Variants in STAB2 observed in about 807,000 individuals in gnomAD.
STAB2 encodes stabilin 2.
STAB2 carries 288 observed loss-of-function variants against 338.1 expected under a neutral mutation model. That is an observed-to-expected ratio of 0.85 (90% CI 0.77 to 0.94). The LOEUF (loss-of-function observed/expected upper bound fraction) is 0.94. Among genes scored for constraint, STAB2 ranks in the 40% least tolerant of loss-of-function variants. The pLI, the probability that STAB2 is intolerant of heterozygous loss-of-function variation, is 0.00. For missense variants in STAB2, 3,141 were observed against 3,210.1 expected (o/e 0.98, Z 0.52); for synonymous variants, 1,202 against 1,193.3 (o/e 1.01, Z -0.15).
At chr12:103,668,906 A>C (rs1237527554) in intron 20 of STAB2, 177 bp downstream of exon 20, 1 of 580,198 alleles carries the variant, frequency 1.7e-6, no homozygotes, top group African/African-American at 1.9e-5. Context: ...CCTTTCCTGC[A>C]TCACAGCCTC....
chr12:103,681,562 G>T (rs115893482), intron 25 of STAB2, among the ~76,000 whole-genome samples: 1 of 146,332 alleles, frequency 6.8e-6, no homozygotes, highest in South Asian at 2.1e-4. Context: ...CTGCCTTCAC[G>T]TTCAGATGTT....
chr12:103,735,654 CT>C, intron 52 of STAB2, 74 bp downstream of exon 52: 1 of 1,184,382 alleles, frequency 8.4e-7, no homozygotes, highest in Non-Finnish European at 1.2e-6. Flanking sequence ...ACAACTGCCC[CT>C]TCAAGGAGAT....
intron 51 of STAB2, among the ~76,000 whole-genome samples, chr12:103,734,850 G>A (rs781469359): frequency 6.6e-6 from 1 of 152,090 alleles, no homozygotes; most frequent in Non-Finnish European, 1.5e-5. Flanking sequence ...TTCTCTCTCC[G>A]CTTCTGGTGG....
Position 103,624,795 on chromosome 12 carries a change from G to A in STAB2, c.487+2684G>A, listed in dbSNP as rs146871776. ...TCTACTAAAAATACAAAAATTAGCC[G>A]TGTGTGGTGGTGCGCACCTGAAATC... On this transcript the variant is annotated intron_variant, in intron 5 of 68. Transcript: ENST00000388887. Among the ~76,000 whole-genome samples, 12 of 152,112 alleles carry A rather than the reference G, an allele frequency of 7.9e-5. No homozygotes were observed. In the East Asian group the frequency reaches 1.2e-3, roughly 15 times the overall value.
At chr12:103,656,313 T>C (rs1874172016) in intron 15 of STAB2, among the ~76,000 whole-genome samples, 1 of 152,242 alleles carries the variant, frequency 6.6e-6, no homozygotes, top group African/African-American at 2.4e-5. Flanking sequence ...AGAGATGACC[T>C]ATGACTTCAT....
intron 44 of STAB2, among the ~76,000 whole-genome samples, chr12:103,722,925 G>A (rs1458666257): frequency 6.6e-6 from 1 of 152,148 alleles, no homozygotes; most frequent in Non-Finnish European, 1.5e-5. Context: ...CGTAGTGTCG[G>A]TCAGTATATT....
At chr12:103,643,205 G>T (rs1348743909) in intron 9 of STAB2, among the ~76,000 whole-genome samples, 1 of 152,070 alleles carries the variant, frequency 6.6e-6, no homozygotes, top group Non-Finnish European at 1.5e-5. Context: ...CATTCATGAG[G>T]CCTTTACTTT....
At position 103,654,636 on chromosome 12, in the gene STAB2, C is replaced by G; in HGVS notation, c.1489C>G (p.Leu497Val). 6.2e-7 allele frequency: 1 copy of G among 1,614,194 alleles called. No individual in the cohort carries two copies. The highest frequency in any genetic ancestry group is 1.1e-5 in the South Asian group (1 of 91,080). ...AGGGGACATCATTGCTTCCAATGGGCTTCTGCACATCCTTGACAGAGCCAT... is the reference window on the plus strand; with the variant it reads ...AGGGGACATCATTGCTTCCAATGGGGTTCTGCACATCCTTGACAGAGCCAT... ...IQGDIIASNG[L>V]LHILDRAMDK... The change falls in exon 13 of 69, where the codon CTT becomes GTT. Residue 497 changes from leucine to valine, a missense_variant. Coordinates refer to ENST00000388887, the MANE Select transcript of STAB2 (RefSeq NM_017564.10).
At chr12:103,631,534 C>G (rs1593162176) in intron 5 of STAB2, 64 bp from the exon 6 acceptor site, 2 of 1,485,296 alleles carry the variant, frequency 1.3e-6, no homozygotes, top group East Asian at 4.5e-5. Flanking sequence ...AAAACACTAG[C>G]TTTCCAGAAT....
In STAB2 at chr12:103,664,112, A is replaced by AGTTTTGTTTTGTTTTGTTTTGTTTT. The variant is rs139808056; in HGVS notation, c.2022+1134_2022+1135insGTTTTGTTTTGTTTTGTTTTGTTTT. On this transcript the variant is annotated intron_variant, in intron 18 of 68. Transcript: ENST00000388887. ...TCCATAGCAACTTTTTGGCTCAGCC[A>AGTTTTGTTTTGTTTTGTTTTGTTTT]GTTTTGTTTTGTTTTGTTTTTGTTT... Among the ~76,000 whole-genome samples the AGTTTTGTTTTGTTTTGTTTTGTTTT allele has an allele frequency of 6.4e-3, 975 of 151,548 alleles. 11 individuals are homozygous for AGTTTTGTTTTGTTTTGTTTTGTTTT. The highest frequency in any genetic ancestry group is 0.033 in the East Asian group (172 of 5,136).
At chr12:103,737,602 T>TC (rs1882243371) in intron 52 of STAB2, 32 bp from the exon 53 acceptor site, 39 of 984,058 alleles carry the variant, frequency 4.0e-5, no homozygotes, top group African/African-American at 2.4e-4. Context: ...CTCTCTCTCT[T>TC]TCTCTTTTTT....
chr12:103,746,713 C>T lies in STAB2; in HGVS notation c.6244+9C>T. Reference sequence around the variant, plus strand: ...CGGAATCACATGCACAGGTAAGCCACCTTTGTGCACAGGTGAAATAGCAGC... The same window carrying T: ...CGGAATCACATGCACAGGTAAGCCATCTTTGTGCACAGGTGAAATAGCAGC... On this transcript the variant is annotated intron_variant, in intron 58 of 68. Coordinates refer to ENST00000388887, the MANE Select transcript of STAB2 (RefSeq NM_017564.10). 2.5e-6 allele frequency: 4 copies of T among 1,612,578 alleles called. No individual in the cohort carries two copies. The highest frequency in any genetic ancestry group is 2.2e-5 in the South Asian group (2 of 91,028).
rs546876433 is a variant in STAB2 at position 103,676,699 on chromosome 12, C to A, written c.2646+678C>A. ...GCTTTCACTAATTCCCTTCAATGAT[C>A]GCCATCCCCACCTGACCCTAGTCAC... is the stretch of plus-strand genomic sequence containing the variant. On this transcript the variant is annotated intron_variant, in intron 24 of 68. Coordinates refer to ENST00000388887, the MANE Select transcript of STAB2 (RefSeq NM_017564.10). Among the ~76,000 whole-genome samples, 3 of 152,280 alleles carry A rather than the reference C, an allele frequency of 2.0e-5. No homozygotes were observed. The East Asian group carries it at 5.8e-4, about 29-fold the overall frequency.
intron 11 of STAB2, among the ~76,000 whole-genome samples, 157 bp from the exon 12 acceptor site, chr12:103,652,399 T>C (rs1464719051): frequency 3.3e-5 from 5 of 152,258 alleles, no homozygotes; most frequent in Non-Finnish European, 7.3e-5. Context: ...ATAGCAAGTA[T>C]AATTGTCAGT....
chr12:103,689,030 T>A (rs537127803), intron 28 of STAB2, among the ~76,000 whole-genome samples: 1 of 151,960 alleles, frequency 6.6e-6, no homozygotes, highest in Non-Finnish European at 1.5e-5. Flanking sequence ...TTCTTTTTCC[T>A]GGAGATCCAG....
At position 103,652,542 on chromosome 12, in the gene STAB2, C is replaced by T; in HGVS notation, c.1258-14C>T. The T allele has an allele frequency of 6.5e-7, 1 of 1,533,072 alleles. No homozygotes were observed. The highest frequency in any genetic ancestry group is 8.8e-7 in the Non-Finnish European group (1 of 1,141,316). The allele number at this position is 1,533,072 out of a possible 1,614,324, so 95.0% of individuals were successfully genotyped here. On this transcript the variant is annotated splice_polypyrimidine_tract_variant and intron_variant, in intron 11 of 68. Coordinates refer to ENST00000388887, the MANE Select transcript of STAB2 (RefSeq NM_017564.10). ...CTTCTTCAAATAATAGTAAAATTGG[C>T]TCTTCTCTCTTAGGTAAATGAGCTT...
intron 55 of STAB2, 37 bp from the exon 56 acceptor site, chr12:103,742,368 G>C: frequency 6.2e-7 from 1 of 1,608,684 alleles, no homozygotes; most frequent in Non-Finnish European, 8.5e-7. Context: ...TCTGGCTTTG[G>C]GAGACTGTTG....
rs942991746 is a variant in STAB2, at chr12:103,587,335, C to T, written c.-142C>T. Reference sequence around the variant, plus strand: ...GGCAGGTCTCACCTATCTCCTGGTTCGATCTAGGAAAAAGGAAAGGAAGGG... The same window carrying T: ...GGCAGGTCTCACCTATCTCCTGGTTTGATCTAGGAAAAAGGAAAGGAAGGG... On this transcript the variant is annotated 5_prime_UTR_variant, in exon 1 of 69. Transcript: ENST00000388887. The T allele has an allele frequency of 3.4e-5, 24 of 714,654 alleles. No individual in the cohort carries two copies. Among genetic ancestry groups the T allele is most frequent in the East Asian group, 1.4e-4 (5 of 36,700 alleles). The allele number at this position is 714,654 out of a possible 1,614,324, so 44.3% of individuals were successfully genotyped here. A position where few individuals can be genotyped will look rare whatever the true frequency, so the allele number is the denominator to read the frequency against.
At chr12:103,662,723 GA>G in intron 17 of STAB2, 122 bp from the exon 18 acceptor site, 2 of 1,148,900 alleles carry the variant, frequency 1.7e-6, no homozygotes, top group South Asian at 3.3e-5. Flanking sequence ...ACCCTCCAAT[GA>G]AAAGTTAAGT....
Sources: allele counts gnomAD v4.1 joint callset (sites outside exome capture counted in the v4.1 genomes callset), GRCh38; gene constraint gnomAD v4.1.1; transcripts MANE v1.5; gene names NCBI Gene and HGNC (gene_info 2026-07-23, HGNC 2026-07-21).